Variants in ECSIT observed in about 807,000 individuals in gnomAD.
ECSIT encodes the protein evolutionarily conserved signaling intermediate in Toll pathway, mitochondrial.
A neutral mutation model predicts 36.8 loss-of-function variants in ECSIT; 29 were observed. The ratio of observed to expected loss-of-function variants is 0.79; its 90% confidence interval spans 0.59 to 1.08. The LOEUF is 1.08. Among genes scored for constraint, ECSIT ranks in the 50% least tolerant of loss-of-function variants. The pLI is 0.00. For synonymous variants in ECSIT, 231 were observed against 234.8 expected, an observed-to-expected ratio of 0.98 and a Z score of 0.15; for missense variants, 542 against 581.0, an observed-to-expected ratio of 0.93 and a Z score of 0.69.
At position 11,514,068 on chromosome 19, in the gene ECSIT, G is replaced by A. The variant is rs373135989; in HGVS notation, c.250C>T (p.Arg84Trp). The change falls in exon 3 of 8, where the codon CGG (arginine) becomes TGG (tryptophan). Residue 84 changes from arginine to tryptophan, a missense_variant. Coordinates refer to ENST00000270517, the MANE Select transcript of ECSIT (RefSeq NM_016581.5). ...GTCTGCAGGAAGCTCGCCTTGTCCC[G>A]TTCCCCACCAGGCGCCTGCCCAAAC... ...DLFGQAPGGERDKASFLQTVQ... is the reference protein window; with the variant it reads ...DLFGQAPGGEWDKASFLQTVQ... The A allele has an allele frequency of 7.4e-6, 12 of 1,614,148 alleles. No homozygotes were observed. Among genetic ancestry groups the A allele is most frequent in the South Asian group, 2.2e-5 (2 of 91,080 alleles).
chr19:11,506,171 G>C lies in ECSIT; in HGVS notation c.*13C>G, dbSNP rs1971730194. The stretch of plus-strand genomic sequence containing the variant: ...TCCTCGGGCCACAGCCCGTGCCCTC[G>C]CGCCGGCTCAGACTAGCTCTGGCCC... On this transcript the variant is annotated 3_prime_UTR_variant, in exon 8 of 8. Transcript: ENST00000270517. The C allele has an allele frequency of 1.2e-6, 2 of 1,602,258 alleles. No homozygotes were observed. Among genetic ancestry groups the C allele is most frequent in the African/African-American group, 1.3e-5 (1 of 74,938 alleles).
chr19:11,509,650 C>A (rs1971830297), intron 4 of ECSIT, among the ~76,000 whole-genome samples: 1 of 151,120 alleles, frequency 6.6e-6, no homozygotes, highest in Admixed American at 6.6e-5. Context: ...CGCCTGTAGT[C>A]CCTGCTACAT....
intron 1 of ECSIT, among the ~76,000 whole-genome samples, chr19:11,521,411 T>G (rs1199251452): frequency 6.6e-6 from 1 of 152,062 alleles, no homozygotes; most frequent in Non-Finnish European, 1.5e-5. Context: ...CAGTTGACCC[T>G]TCATCAACAA....
intron 1 of ECSIT, chr19:11,523,519 C>T (rs1972150760): frequency 2.7e-6 from 3 of 1,098,090 alleles, no homozygotes; most frequent in African/African-American, 1.6e-5. Context: ...CCCTCATCCA[C>T]GATGGCCTAG....
At chr19:11,518,255 C>T (rs1267021878) in intron 2 of ECSIT, among the ~76,000 whole-genome samples, 4 of 152,004 alleles carry the variant, frequency 2.6e-5, no homozygotes, top group African/African-American at 4.8e-5. Context: ...GGCAAAACCG[C>T]GTCTCTACTA....
chr19:11,508,186 C>G, intron 4 of ECSIT, 138 bp from the exon 5 acceptor site: 1 of 985,354 alleles, frequency 1.0e-6, no homozygotes, highest in South Asian at 1.3e-5. Context: ...CCAACCTGTC[C>G]CCTCCTCCCT....
At chr19:11,523,426 A>C in intron 1 of ECSIT, 1 of 679,084 alleles carries the variant, frequency 1.5e-6, no homozygotes, top group Non-Finnish European at 2.5e-6. Flanking sequence ...TTCACCCATA[A>C]CCCACTGCCA....
At position 11,519,225 on chromosome 19, in the gene ECSIT, G is replaced by A. The variant is rs957606018; in HGVS notation, c.-23-32C>T. On this transcript the variant is annotated intron_variant, in intron 1 of 7. Transcript: ENST00000270517. The surrounding 1 kb of genome is among the most constrained non-coding windows in gnomAD (Gnocchi z 4.4). The stretch of plus-strand genomic sequence containing the variant: ...CAAAAGAAGATTCAGCATTAGCCTG[G>A]CACCTTACAGATGCTAACAGACGCA... The A allele has an allele frequency of 6.9e-7, 1 of 1,446,982 alleles. No homozygotes were observed. 89.6% of individuals were successfully genotyped at this position (1,446,982 alleles called of 1,614,324 possible). A position where few individuals can be genotyped will look rare whatever the true frequency, so the allele number is the denominator to read the frequency against.
intron 1 of ECSIT, chr19:11,522,488 C>T: frequency 8.1e-7 from 1 of 1,239,834 alleles, no homozygotes; most frequent in South Asian, 1.2e-5. Flanking sequence ...AGGCCCAACA[C>T]CTTCTTCTAG....
At position 11,521,176 on chromosome 19, in the gene ECSIT, T is replaced by C. The variant is rs111381118; in HGVS notation, c.-23-1983A>G. Among the ~76,000 whole-genome samples, 6 of 152,304 alleles carry C rather than the reference T, an allele frequency of 3.9e-5. 1 individual carries two copies. Among genetic ancestry groups the C allele is most frequent in the African/African-American group, 1.4e-4 (6 of 41,574 alleles). On this transcript the variant is annotated intron_variant, in intron 1 of 7. Coordinates refer to ENST00000270517, the MANE Select transcript of ECSIT (RefSeq NM_016581.5). ...TTTTATTTATGCATTCATCAATTGATGGACATTTGGGGTTGTTTGCCAAAT... is the reference window on the plus strand; with the variant it reads ...TTTTATTTATGCATTCATCAATTGACGGACATTTGGGGTTGTTTGCCAAAT...
At chr19:11,518,213 G>A (rs1223217381) in intron 2 of ECSIT, among the ~76,000 whole-genome samples, 1 of 152,086 alleles carries the variant, frequency 6.6e-6, no homozygotes, top group African/African-American at 2.4e-5. Context: ...AATCACCTGA[G>A]GTCAGGAGTT....
Position 11,514,229 on chromosome 19 carries a change from G to A in ECSIT, c.97-8C>T, listed in dbSNP as rs776159913. 1.2e-5 allele frequency: 19 copies of A among 1,595,190 alleles called. No individual in the cohort carries two copies. The African/African-American group carries it at 2.5e-4, about 21-fold the overall frequency. On this transcript the variant is annotated splice_region_variant and splice_polypyrimidine_tract_variant and intron_variant, in intron 2 of 7. Coordinates refer to ENST00000270517, the MANE Select transcript of ECSIT (RefSeq NM_016581.5). ...AGGGAGCCGGCGAGGGACCTGGGGA[G>A]GGAGGAGAACTGCTGGAATCTGGCA... is the stretch of plus-strand genomic sequence containing the variant.
At chr19:11,527,878 C>T (rs555157510) in intron 1 of ECSIT, among the ~76,000 whole-genome samples, 2 of 152,150 alleles carry the variant, frequency 1.3e-5, no homozygotes, top group East Asian at 3.9e-4. Flanking sequence ...CCTGTAGTTC[C>T]AGCTACTGGG....
Position 11,507,697 on chromosome 19 carries a change from C to T in ECSIT, c.945+5G>A. On this transcript the variant is annotated splice_donor_5th_base_variant and intron_variant, in intron 6 of 7. Coordinates refer to ENST00000270517, the MANE Select transcript of ECSIT (RefSeq NM_016581.5). ...CCCAACACATGCTTTGCTTTAAGCC[C>T]TCACCCTCTCCTCCGGGGGCAGCAA... 1.2e-6 allele frequency: 2 copies of T among 1,613,962 alleles called. No homozygotes were observed. The highest frequency in any genetic ancestry group is 2.2e-5 in the East Asian group (1 of 44,876).
At position 11,507,799 on chromosome 19, in the gene ECSIT, C is replaced by G. The variant is rs150679552; in HGVS notation, c.848G>C (p.Arg283Pro). 1 of 1,613,966 alleles carries G rather than the reference C, an allele frequency of 6.2e-7. No homozygotes were observed. The highest frequency in any genetic ancestry group is 1.3e-5 in the African/African-American group (1 of 74,940). Residue 283 changes from arginine (R) to proline (P), a missense_variant, in exon 6 of 8, where the codon CGG becomes CCG. Arg to Pro is a moderately radical substitution (Grantham distance 103, BLOSUM62 -2). Transcript: ENST00000270517. ...GAAGGGGCCCTCAACAAAGACAGGC[C>G]GGGCTGGATTGTGGCGGGCCAGGGC... ...QAALARHNPARPVFVEGPFSL... is the reference protein window; with the variant it reads ...QAALARHNPAPPVFVEGPFSL...
Position 11,507,839 on chromosome 19 carries a change from G to C in ECSIT, c.808C>G (p.Pro270Ala), listed in dbSNP as rs1446296410. ...CGGGCCAGGGCGGCCTGCTGATCGG[G>C]ACTCTGGATTCCTGGTGTGGAGACA... is the stretch of plus-strand genomic sequence containing the variant. Reference protein sequence around the residue: ...PQPHIVGIQSPDQQAALARHN... With the variant: ...PQPHIVGIQSADQQAALARHN... Residue 270 changes from proline to alanine, a missense_variant, in exon 6 of 8, where the codon CCC (proline) becomes GCC (alanine). By Grantham distance (27) the Pro-to-Ala change is conservative (BLOSUM62 -1). Coordinates refer to ENST00000270517, the MANE Select transcript of ECSIT (RefSeq NM_016581.5). 6 of 1,613,630 alleles carry C rather than the reference G, an allele frequency of 3.7e-6. No homozygotes were observed. The highest frequency in any genetic ancestry group is 5.1e-6 in the Non-Finnish European group (6 of 1,179,980).
At chr19:11,523,062 GA>G (rs1568407065) in intron 1 of ECSIT, among the ~76,000 whole-genome samples, 1 of 151,860 alleles carries the variant, frequency 6.6e-6, no homozygotes, top group South Asian at 2.1e-4. Flanking sequence ...CAGAGTGAAA[GA>G]AAAAAAAGTT....
At chr19:11,522,513 C>A in intron 1 of ECSIT, 1 of 924,254 alleles carries the variant, frequency 1.1e-6, no homozygotes, top group Non-Finnish European at 1.7e-6. Context: ...AGGGCCCTCA[C>A]CCAGGTGTGC....
At chr19:11,520,791 G>T (rs919097252) in intron 1 of ECSIT, among the ~76,000 whole-genome samples, 1 of 150,450 alleles carries the variant, frequency 6.6e-6, no homozygotes, top group African/African-American at 2.4e-5. Context: ...GATTATAGTC[G>T]TGAGCCACCG....
Sources: gnomAD v4.1 joint callset for allele counts (sites outside exome capture counted in the v4.1 genomes callset) on GRCh38, gnomAD v4.1.1 for gene constraint, Gnocchi (gnomAD v3.1) non-coding constraint, MANE v1.5 for transcripts, NCBI Gene and HGNC (gene_info 2026-07-23, HGNC 2026-07-21) for gene names.